Variants in IL1RAPL1 observed in about 807,000 individuals in gnomAD.
IL1RAPL1 encodes the protein interleukin-1 receptor accessory protein-like 1.
IL1RAPL1 carries 3 observed loss-of-function variants against 48.4 expected under a neutral mutation model. The ratio of observed to expected loss-of-function variants is 0.06; its 90% confidence interval spans 0.03 to 0.16. The LOEUF is 0.16. Ranked by LOEUF, IL1RAPL1 falls within the 10% of genes least tolerant of loss-of-function variation. IL1RAPL1 has a pLI of 1.00. For synonymous variants in IL1RAPL1, 185 were observed against 187.7 expected (o/e 0.99, Z 0.12); for missense variants, 349 against 530.6 (o/e 0.66, Z 3.36).
chrX:29,184,352 T>C (rs758258871), intron 2 of IL1RAPL1, among the ~76,000 whole-genome samples: 5 of 111,873 alleles, frequency 4.5e-5, no homozygotes, highest in Non-Finnish European at 9.4e-5. Flanking sequence ...TGAGGACATA[T>C]GACATTTGAT....
chrX:29,036,426 C>T (rs1204380188), intron 2 of IL1RAPL1, among the ~76,000 whole-genome samples: 1 of 112,053 alleles, frequency 8.9e-6, no homozygotes, highest in Non-Finnish European at 1.9e-5. Flanking sequence ...AAACTGTTTC[C>T]GGCCATCAGT....
At chrX:29,852,529 A>C (rs142350083) in intron 6 of IL1RAPL1, among the ~76,000 whole-genome samples, 1 of 111,870 alleles carries the variant, frequency 8.9e-6, no homozygotes, top group East Asian at 2.8e-4. Context: ...AAGCCCTAAC[A>C]TTGTTACACA....
chrX:29,477,463 T>C (rs1208038323), intron 5 of IL1RAPL1, among the ~76,000 whole-genome samples: 1 of 112,007 alleles, frequency 8.9e-6, no homozygotes, highest in Non-Finnish European at 1.9e-5. Flanking sequence ...CATCTCTATA[T>C]CCTCGTAAGC....
chrX:29,496,494 T>C (rs1265643242), intron 5 of IL1RAPL1, among the ~76,000 whole-genome samples: 1 of 88,695 alleles, frequency 1.1e-5, no homozygotes, highest in Non-Finnish European at 2.2e-5. Context: ...TTTTTTGCCA[T>C]GTGATGTACC....
chrX:29,802,911 A>T (rs1296489627), intron 6 of IL1RAPL1, among the ~76,000 whole-genome samples: 3 of 53,272 alleles, frequency 5.6e-5, no homozygotes, highest in African/African-American at 2.1e-4. Context: ...ATGTGTATAT[A>T]TGTGTACATA....
chrX:29,713,927 C>T (rs1927418170), intron 6 of IL1RAPL1, among the ~76,000 whole-genome samples: 1 of 111,542 alleles, frequency 9.0e-6, no homozygotes, highest in African/African-American at 3.3e-5. Flanking sequence ...AATGATAGAA[C>T]TAGGTATAGC....
intron 5 of IL1RAPL1, among the ~76,000 whole-genome samples, chrX:29,430,325 TAG>T (rs1934405203): frequency 9.0e-6 from 1 of 110,854 alleles, no homozygotes; most frequent in African/African-American, 3.3e-5. Flanking sequence ...GCATCCAAGG[TAG>T]AGAGTGGTAA....
chrX:29,661,535 G>A (rs2147096909), intron 5 of IL1RAPL1, among the ~76,000 whole-genome samples: 1 of 111,999 alleles, frequency 8.9e-6, no homozygotes, highest in Non-Finnish European at 1.9e-5. Context: ...CTTCCCTTTG[G>A]GGGATCACAA....
At chrX:29,551,178 C>A (rs773313447) in intron 5 of IL1RAPL1, among the ~76,000 whole-genome samples, 9 of 112,002 alleles carry the variant, frequency 8.0e-5, no homozygotes, top group Non-Finnish European at 1.3e-4. Context: ...TATTCCATTG[C>A]GTATATATAC....
chrX:29,227,875 T>C (rs950406932), intron 2 of IL1RAPL1, among the ~76,000 whole-genome samples: 2 of 111,313 alleles, frequency 1.8e-5, no homozygotes, highest in African/African-American at 6.5e-5. Flanking sequence ...GATTACATTG[T>C]TTAATGGGTA....
At chrX:28,893,771 C>T (rs2147321312) in intron 2 of IL1RAPL1, among the ~76,000 whole-genome samples, 2 of 111,641 alleles carry the variant, frequency 1.8e-5, no homozygotes, top group East Asian at 5.7e-4. Flanking sequence ...TTGTAACCTA[C>T]ACAGAAGAGG....
At chrX:29,780,977 A>G (rs1276515139) in intron 6 of IL1RAPL1, among the ~76,000 whole-genome samples, 1 of 110,689 alleles carries the variant, frequency 9.0e-6, no homozygotes, top group African/African-American at 3.3e-5. Flanking sequence ...TGCCCAGAAA[A>G]TTGAAATGAT....
intron 2 of IL1RAPL1, among the ~76,000 whole-genome samples, chrX:28,837,001 C>T (rs1435376124): frequency 4.6e-5 from 5 of 109,301 alleles, no homozygotes; most frequent in African/African-American, 6.7e-5. Context: ...AAGAGGGAGC[C>T]GAGGATGGGA....
At chrX:29,149,309 C>T (rs7880008) in intron 2 of IL1RAPL1, among the ~76,000 whole-genome samples, 2 of 110,718 alleles carry the variant, frequency 1.8e-5, no homozygotes, top group East Asian at 2.8e-4. Context: ...CTCAAAGATC[C>T]GTATCTTGAA....
chrX:29,008,350 A>G (rs1228596103), intron 2 of IL1RAPL1, among the ~76,000 whole-genome samples: 1 of 102,281 alleles, frequency 9.8e-6, no homozygotes, highest in East Asian at 3.1e-4. Flanking sequence ...ATTTTTTTGT[A>G]TTTTTAGTAG....
chrX:29,565,069 T>C (rs955959271), intron 5 of IL1RAPL1, among the ~76,000 whole-genome samples: 6 of 111,913 alleles, frequency 5.4e-5, no homozygotes, highest in African/African-American at 1.6e-4. Context: ...CTGACCCTCA[T>C]GCATCCCTCT....
chrX:29,126,742 C>A (rs781008195), intron 2 of IL1RAPL1, among the ~76,000 whole-genome samples: 3 of 112,151 alleles, frequency 2.7e-5, no homozygotes, highest in Non-Finnish European at 5.6e-5. Context: ...AAATTAGAGG[C>A]ATTTTGAAAA....
intron 5 of IL1RAPL1, among the ~76,000 whole-genome samples, chrX:29,575,535 T>C (rs1922747426): frequency 8.9e-6 from 1 of 111,995 alleles, no homozygotes; most frequent in African/African-American, 3.3e-5. Flanking sequence ...GCCTGCTTTG[T>C]TCTAGCTGCA....
intron 2 of IL1RAPL1, among the ~76,000 whole-genome samples, chrX:28,992,961 A>G (rs933864488): frequency 8.9e-6 from 1 of 111,986 alleles, no homozygotes; most frequent in Non-Finnish European, 1.9e-5. Flanking sequence ...AAGGTCCAAG[A>G]GAAATCAAGT....
Sources: allele counts gnomAD v4.1 joint callset (sites outside exome capture counted in the v4.1 genomes callset), GRCh38; gene constraint gnomAD v4.1.1; transcripts MANE v1.5; gene names NCBI Gene and HGNC (gene_info 2026-07-23, HGNC 2026-07-21).